KCNH8: variants seen among roughly 807,000 people sequenced by gnomAD.
KCNH8 encodes the protein voltage-gated delayed rectifier potassium channel KCNH8.
KCNH8 carries 70 observed loss-of-function variants against 103.6 expected under a neutral mutation model. That is an observed-to-expected ratio of 0.68 (90% CI 0.56 to 0.82). The LOEUF is 0.82. Ranked by LOEUF, KCNH8 falls within the 40% of genes least tolerant of loss-of-function variation. The pLI, the probability that KCNH8 is intolerant of heterozygous loss-of-function variation, is 0.00. For missense variants in KCNH8, 1,217 were observed against 1,329.9 expected (o/e 0.92, Z 1.32); for synonymous variants, 498 against 489.4 (o/e 1.02, Z -0.23).
chr3:19,316,425 T>A (rs986255434), intron 3 of KCNH8, among the ~76,000 whole-genome samples: 1 of 151,902 alleles, frequency 6.6e-6, no homozygotes, highest in Non-Finnish European at 1.5e-5. Flanking sequence ...ACATACAAGA[T>A]TAAGGAATAG....
At chr3:19,381,110 G>T (rs1269615847) in intron 5 of KCNH8, among the ~76,000 whole-genome samples, 2 of 152,110 alleles carry the variant, frequency 1.3e-5, no homozygotes, top group Admixed American at 1.3e-4. Context: ...TGTTTTGAGT[G>T]TTCTTAAGAG....
At chr3:19,274,911 C>T (rs1460120406) in intron 2 of KCNH8, among the ~76,000 whole-genome samples, 1 of 130,942 alleles carries the variant, frequency 7.6e-6, no homozygotes, top group African/African-American at 2.9e-5. Flanking sequence ...CTCTCTCTCT[C>T]TCTCAGTCAG....
At chr3:19,158,068 A>G (rs967914847) in intron 1 of KCNH8, among the ~76,000 whole-genome samples, 20 of 151,446 alleles carry the variant, frequency 1.3e-4, no homozygotes, top group Non-Finnish European at 2.2e-4. Flanking sequence ...TTTTTAAAAC[A>G]TATCCCATAT....
At chr3:19,446,016 T>C (rs2067357308) in intron 8 of KCNH8, among the ~76,000 whole-genome samples, 1 of 152,008 alleles carries the variant, frequency 6.6e-6, no homozygotes, top group African/African-American at 2.4e-5. Flanking sequence ...TCTATTATAA[T>C]GCACATTTAG....
At chr3:19,285,699 A>G (rs546081035) in intron 3 of KCNH8, among the ~76,000 whole-genome samples, 4 of 150,540 alleles carry the variant, frequency 2.7e-5, no homozygotes, top group East Asian at 2.0e-4. Context: ...AAGTTGACAT[A>G]GTAAAAAAAA....
intron 11 of KCNH8, among the ~76,000 whole-genome samples, chr3:19,487,415 G>C (rs2068233073): frequency 6.6e-6 from 1 of 152,168 alleles, no homozygotes; most frequent in Non-Finnish European, 1.5e-5. Context: ...CTTAGGGACA[G>C]GCAGGAGGTA....
chr3:19,213,245 G>A (rs2125226458), intron 1 of KCNH8, among the ~76,000 whole-genome samples: 1 of 152,194 alleles, frequency 6.6e-6, no homozygotes, highest in South Asian at 2.1e-4. Flanking sequence ...AGACAACATT[G>A]CAATCCTATC....
chr3:19,521,426 G>A (rs973884396), intron 15 of KCNH8, among the ~76,000 whole-genome samples: 1 of 152,068 alleles, frequency 6.6e-6, no homozygotes, highest in Non-Finnish European at 1.5e-5. Context: ...AATATCATAT[G>A]TAAAGCACTG....
chr3:19,169,537 C>T (rs931893924), intron 1 of KCNH8, among the ~76,000 whole-genome samples: 1 of 152,104 alleles, frequency 6.6e-6, no homozygotes, highest in Non-Finnish European at 1.5e-5. Flanking sequence ...TGAGCCACCG[C>T]GCCCAGCCTA....
intron 1 of KCNH8, among the ~76,000 whole-genome samples, chr3:19,203,684 A>C (rs938444896): frequency 2.0e-5 from 3 of 152,084 alleles, no homozygotes; most frequent in African/African-American, 7.2e-5. Flanking sequence ...AGGGATAGAA[A>C]TAGATAAGAA....
chr3:19,170,713 TACAC>T (rs1309076332), intron 1 of KCNH8, among the ~76,000 whole-genome samples: 3 of 135,674 alleles, frequency 2.2e-5, no homozygotes, highest in East Asian at 2.0e-4. Context: ...TACACATATA[TACAC>T]ACACATATAT....
intron 1 of KCNH8, among the ~76,000 whole-genome samples, chr3:19,161,875 G>A (rs188396815): frequency 6.6e-6 from 1 of 152,046 alleles, no homozygotes; most frequent in African/African-American, 2.4e-5. Flanking sequence ...TTTTATATGT[G>A]GTGAATTAGG....
At chr3:19,500,964 T>G (rs978559548) in intron 11 of KCNH8, among the ~76,000 whole-genome samples, 1 of 152,082 alleles carries the variant, frequency 6.6e-6, no homozygotes, top group Non-Finnish European at 1.5e-5. Flanking sequence ...CAAAAAACCC[T>G]TCAAAAATTT....
At chr3:19,398,215 A>C (rs1429321799) in intron 7 of KCNH8, among the ~76,000 whole-genome samples, 3 of 152,020 alleles carry the variant, frequency 2.0e-5, no homozygotes, top group African/African-American at 7.2e-5. Context: ...TACCAAAACA[A>C]ATAATAGAGC....
chr3:19,376,134 G>A (rs1043150098), intron 5 of KCNH8, among the ~76,000 whole-genome samples: 8 of 151,230 alleles, frequency 5.3e-5, no homozygotes, highest in Non-Finnish European at 1.0e-4. Flanking sequence ...CACCCAGTTC[G>A]AGCGTCCAGG....
chr3:19,518,491 C>G (rs1486042707), intron 15 of KCNH8, among the ~76,000 whole-genome samples: 1 of 151,996 alleles, frequency 6.6e-6, no homozygotes, highest in Admixed American at 6.6e-5. Flanking sequence ...GTCAAATGGC[C>G]TGAACTCTGT....
At chr3:19,489,944 G>A (rs566470620) in intron 11 of KCNH8, among the ~76,000 whole-genome samples, 1 of 152,336 alleles carries the variant, frequency 6.6e-6, no homozygotes, top group East Asian at 1.9e-4. Context: ...GAGTGGGCAA[G>A]TTCCAAAGAC....
At chr3:19,211,661 C>G (rs1295011374) in intron 1 of KCNH8, among the ~76,000 whole-genome samples, 1 of 152,072 alleles carries the variant, frequency 6.6e-6, no homozygotes, top group Non-Finnish European at 1.5e-5. Context: ...CTTCATTCCC[C>G]CTATTCTTTA....
intron 11 of KCNH8, among the ~76,000 whole-genome samples, chr3:19,504,714 T>G (rs1330953801): frequency 5.9e-5 from 9 of 152,054 alleles, no homozygotes; most frequent in Non-Finnish European, 1.2e-4. Context: ...AAAGGAAGAA[T>G]GCACTGTTGG....
Sources: allele counts gnomAD v4.1 joint callset (sites outside exome capture counted in the v4.1 genomes callset), GRCh38; gene constraint gnomAD v4.1.1; transcripts MANE v1.5; gene names NCBI Gene and HGNC (gene_info 2026-07-23, HGNC 2026-07-21).